The following PTPRG variants were observed in gnomAD, a reference collection of about 807,000 sequenced individuals.
The protein encoded by PTPRG is protein tyrosine phosphatase receptor type G.
In PTPRG, 102 loss-of-function variants were observed where a neutral mutation model predicts 165.3. The observed-to-expected ratio is 0.62, with a 90% confidence interval of 0.53 to 0.73. PTPRG has a LOEUF of 0.73. PTPRG is among the 30% of genes least tolerant of loss of function. The pLI, the probability that PTPRG is intolerant of heterozygous loss-of-function variation, is 0.00. For missense variants in PTPRG, 1,866 were observed against 1,861.4 expected, an observed-to-expected ratio of 1.00 and a Z score of -0.05; for synonymous variants, 675 against 669.5, an observed-to-expected ratio of 1.01 and a Z score of -0.13.
At chr3:61,577,694 C>T (rs957096752) in intron 1 of PTPRG, among the ~76,000 whole-genome samples, 1 of 152,074 alleles carries the variant, frequency 6.6e-6, no homozygotes, top group Non-Finnish European at 1.5e-5. Context: ...GTATTTTTAT[C>T]GGACGGCACT....
At chr3:61,974,063 GTTTTCTC>G (rs2040445346) in intron 2 of PTPRG, among the ~76,000 whole-genome samples, 1 of 152,008 alleles carries the variant, frequency 6.6e-6, no homozygotes, top group Admixed American at 6.6e-5. Flanking sequence ...CTAAGCCAAA[GTTTTCTC>G]TTTTCATTTC....
chr3:61,712,250 T>C (rs1214371981), intron 1 of PTPRG, among the ~76,000 whole-genome samples: 1 of 152,152 alleles, frequency 6.6e-6, no homozygotes, highest in African/African-American at 2.4e-5. Context: ...TTTTTACAAA[T>C]TTGAATTATG....
chr3:61,771,970 G>A (rs2034219445), intron 2 of PTPRG, among the ~76,000 whole-genome samples: 1 of 143,482 alleles, frequency 7.0e-6, no homozygotes, highest in African/African-American at 2.6e-5. Flanking sequence ...TGAGGCAGGA[G>A]AATCACTTGA....
At chr3:61,775,102 ACT>A (rs2034331437) in intron 2 of PTPRG, among the ~76,000 whole-genome samples, 1 of 151,864 alleles carries the variant, frequency 6.6e-6, no homozygotes, top group Non-Finnish European at 1.5e-5. Context: ...ACAGAGTCTT[ACT>A]CTGTCTCCCA....
At chr3:62,191,706 C>T (rs1387305128) in intron 9 of PTPRG, 53 bp downstream of exon 9, 2 of 1,523,166 alleles carry the variant, frequency 1.3e-6, no homozygotes, top group Non-Finnish European at 1.8e-6. Context: ...GGGACTCCTG[C>T]TGCAGCTCTC....
intron 2 of PTPRG, among the ~76,000 whole-genome samples, chr3:61,978,488 A>ATGTAATAAAATAAGTT (rs1343103075): frequency 1.5e-5 from 2 of 129,896 alleles, no homozygotes. Flanking sequence ...GCATAGTATT[A>ATGTAATAAAATAAGTT]TGTAATAAAA....
chr3:62,014,241 G>T (rs185001238), intron 4 of PTPRG, among the ~76,000 whole-genome samples: 1 of 152,214 alleles, frequency 6.6e-6, no homozygotes, highest in East Asian at 1.9e-4. Context: ...CCCCTTTAAT[G>T]GAATGGGAAG....
chr3:62,070,771 A>G (rs1218674684), intron 4 of PTPRG, among the ~76,000 whole-genome samples: 2 of 152,150 alleles, frequency 1.3e-5, no homozygotes, highest in Non-Finnish European at 2.9e-5. Context: ...TTGGATGTTT[A>G]CTTTGCCTTC....
At chr3:62,278,638 G>A (rs1702320727) in intron 26 of PTPRG, among the ~76,000 whole-genome samples, 1 of 151,984 alleles carries the variant, frequency 6.6e-6, no homozygotes, top group Non-Finnish European at 1.5e-5. Context: ...CCCCAGTCTT[G>A]GTGACATGCA....
chr3:61,658,514 G>A (rs1702572904), intron 1 of PTPRG, among the ~76,000 whole-genome samples: 1 of 152,124 alleles, frequency 6.6e-6, no homozygotes, highest in Non-Finnish European at 1.5e-5. Context: ...CTTGAAAATA[G>A]GGATCTAATG....
intron 2 of PTPRG, among the ~76,000 whole-genome samples, chr3:61,797,322 C>G (rs73841150): frequency 0.037 from 5,617 of 152,054 alleles, 355 homozygotes; most frequent in African/African-American, 0.13. Context: ...ATTTTTTTCC[C>G]CCATATTTGA....
intron 2 of PTPRG, among the ~76,000 whole-genome samples, chr3:61,828,182 C>T (rs1353595975): frequency 6.6e-6 from 1 of 152,052 alleles, no homozygotes; most frequent in Non-Finnish European, 1.5e-5. Context: ...TTTATTTATT[C>T]TAAGCGTTTC....
chr3:62,029,289 T>TAGTGTCTAATGAA (rs1437644794), intron 4 of PTPRG, among the ~76,000 whole-genome samples: 95 of 152,290 alleles, frequency 6.2e-4, no homozygotes, highest in Middle Eastern at 3.4e-3. Context: ...AGAGTCCATT[T>TAGTGTCTAATGAA]GGAGACACTG....
intron 1 of PTPRG, among the ~76,000 whole-genome samples, chr3:61,682,377 G>T (rs972013157): frequency 6.6e-6 from 1 of 152,158 alleles, no homozygotes; most frequent in East Asian, 1.9e-4. Flanking sequence ...AATGGTTGAG[G>T]AATAAATATG....
intron 1 of PTPRG, among the ~76,000 whole-genome samples, chr3:61,672,404 C>T (rs1444016437): frequency 5.8e-5 from 8 of 137,084 alleles, no homozygotes; most frequent in African/African-American, 1.6e-4. Flanking sequence ...GCCGAGATCA[C>T]GCCACTGCAC....
At chr3:61,754,588 G>C (rs1559593648) in intron 2 of PTPRG, among the ~76,000 whole-genome samples, 1 of 152,046 alleles carries the variant, frequency 6.6e-6, no homozygotes, top group South Asian at 2.1e-4. Context: ...GTGGACAAGT[G>C]GATACACGGA....
intron 2 of PTPRG, among the ~76,000 whole-genome samples, chr3:61,952,209 G>C (rs2039917398): frequency 6.6e-6 from 1 of 151,958 alleles, no homozygotes; most frequent in African/African-American, 2.4e-5. Flanking sequence ...AGCAAACCTG[G>C]GGCCCTGGGA....
At position 62,106,589 on chromosome 3, in the gene PTPRG, A is replaced by C. The variant is rs113381973; in HGVS notation, c.616-26013A>C. On this transcript the variant is annotated intron_variant, in intron 5 of 29. Transcript: ENST00000474889. ...AATCACGGTTCACCGCAGCCTTGAC[A>C]TCCCCCAGGTTCTAGCAGTCCTCCC... 7.2e-3 allele frequency among the ~76,000 whole-genome samples: 1,071 copies of C among 148,452 alleles called. 18 individuals carry two copies. Among genetic ancestry groups the C allele is most frequent in the African/African-American group, 0.024 (961 of 40,054 alleles).
chr3:61,641,629 G>A (rs1334695384), intron 1 of PTPRG, among the ~76,000 whole-genome samples: 1 of 152,040 alleles, frequency 6.6e-6, no homozygotes, highest in Admixed American at 6.6e-5. Context: ...ATGGGCTTGC[G>A]GTTCTGTTTA....
Sources: gnomAD v4.1 joint callset for allele counts (sites outside exome capture counted in the v4.1 genomes callset) on GRCh38, gnomAD v4.1.1 for gene constraint, MANE v1.5 for transcripts, NCBI Gene and HGNC (gene_info 2026-07-23, HGNC 2026-07-21) for gene names.